The following FANCF variants were observed in gnomAD, a reference collection of about 807,000 sequenced individuals.
FANCF encodes Fanconi anemia group F protein.
For missense variants in FANCF, 552 were observed against 481.8 expected (o/e 1.15, Z -1.36); for synonymous variants, 257 against 205.9 (o/e 1.25, Z -2.13).
Position 22,625,017 on chromosome 11 carries a change from C to G in FANCF, c.794G>C (p.Ser265Thr), listed in dbSNP as rs1458890622. The change falls in exon 1 of 1, where the codon AGC becomes ACC. Residue 265 changes from serine to threonine, a missense_variant. By Grantham distance (58) the Ser-to-Thr change is moderately conservative. Coordinates refer to ENST00000327470, the MANE Select transcript of FANCF (RefSeq NM_022725.4). ...GACAGGAGACAGCGCTGGGTGGCGG[C>G]TAGTCACTAAAGTCAAAAGCCCGGC... ...LPAGLLTLVT[S>T]RHPALSPVYL... 6.2e-7 allele frequency: 1 copy of G among 1,614,066 alleles called. No individual in the cohort carries two copies. The highest frequency in any genetic ancestry group is 1.7e-5 in the Admixed American group (1 of 59,998).
Position 22,625,094 on chromosome 11 carries a change from G to A in FANCF, c.717C>T (p.His239=). 6.2e-7 allele frequency: 1 copy of A among 1,613,612 alleles called. No individual in the cohort carries two copies. The highest frequency in any genetic ancestry group is 8.5e-7 in the Non-Finnish European group (1 of 1,179,638). Residue 239 remains histidine, a synonymous_variant, in exon 1 of 1, where the codon CAC becomes CAT. Transcript: ENST00000327470. ...SPGEGSQVLV[H]WLLGNSEVFA... ...AGACTTCCGAATTCCCCAGAAGCCAGTGGACTAGCACTTGGCTCCCCTCTC... is the reference window on the plus strand; with the variant it reads ...AGACTTCCGAATTCCCCAGAAGCCAATGGACTAGCACTTGGCTCCCCTCTC...
chr11:22,625,336 C>T lies in FANCF; in HGVS notation c.475G>A (p.Glu159Lys), dbSNP rs1237433093. 1.9e-6 allele frequency: 3 copies of T among 1,614,222 alleles called. No individual in the cohort carries two copies. Among genetic ancestry groups the T allele is most frequent in the Non-Finnish European group, 2.5e-6 (3 of 1,180,042 alleles). Residue 159 changes from glutamate to lysine, a missense_variant, in exon 1 of 1, where the codon GAG (glutamate) becomes AAG (lysine). Transcript: ENST00000327470. ...NGYRENPNLQ[E>K]DSLMKTQAEL... ...GCCTGGGTCTTCATCAGAGAGTCCT[C>T]CTGGAGATTTGGGTTCTCTCTATAG...
Position 22,623,660 on chromosome 11 carries a change from T to C in FANCF, c.*1026A>G, listed in dbSNP as rs1858591757. 1 of 187,248 alleles carries C rather than the reference T, an allele frequency of 5.3e-6. No individual in the cohort carries two copies. 11.6% of individuals were successfully genotyped at this position (187,248 alleles called of 1,614,324 possible). On this transcript the variant is annotated 3_prime_UTR_variant, in exon 1 of 1. Transcript: ENST00000327470. ...CCAAGGTTGTGATTTATTAACCTAGTTAACGGCAGAAGCTGCACTAAAACC... is the reference window on the plus strand; with the variant it reads ...CCAAGGTTGTGATTTATTAACCTAGCTAACGGCAGAAGCTGCACTAAAACC...
At position 22,624,901 on chromosome 11, in the gene FANCF, A is replaced by G; in HGVS notation, c.910T>C (p.Trp304Arg). 6.2e-7 allele frequency: 1 copy of G among 1,614,178 alleles called. No individual in the cohort carries two copies. Among genetic ancestry groups the G allele is most frequent in the Non-Finnish European group, 8.5e-7 (1 of 1,180,032 alleles). The change falls in exon 1 of 1, where the codon TGG (tryptophan) becomes CGG (arginine). Residue 304 changes from tryptophan (W) to arginine (R), a missense_variant. Transcript: ENST00000327470. ...WVGTESQDVP[W>R]EELHNRFQSL... Reference sequence around the variant, plus strand: ...TGAAACCTATTGTGCAACTCCTCCCAGGGCACATCTTGGGACTCAGTTCCA... The same window carrying G: ...TGAAACCTATTGTGCAACTCCTCCCGGGGCACATCTTGGGACTCAGTTCCA...
chr11:22,623,598 T>G lies in FANCF; in HGVS notation c.*1088A>C, dbSNP rs1476006354. On this transcript the variant is annotated 3_prime_UTR_variant, in exon 1 of 1. Transcript: ENST00000327470. ...AAATAAGGAAATTTAACTATTTTATTCTAAACACTTCATTTACATATAAGG... is the reference window on the plus strand; with the variant it reads ...AAATAAGGAAATTTAACTATTTTATGCTAAACACTTCATTTACATATAAGG... The G allele has an allele frequency of 5.2e-6, 1 of 192,384 alleles. No homozygotes were observed. The highest frequency in any genetic ancestry group is 2.3e-5 in the African/African-American group (1 of 43,016). 11.9% of individuals were successfully genotyped at this position (192,384 alleles called of 1,614,324 possible).
rs772736775 is a variant in FANCF at position 22,625,645 on chromosome 11, T to C, written c.166A>G (p.Thr56Ala). 5.0e-6 allele frequency: 8 copies of C among 1,613,782 alleles called. No homozygotes were observed. The highest frequency in any genetic ancestry group is 6.8e-6 in the Non-Finnish European group (8 of 1,179,974). ...RRFGRHGPIR[T>A]ALERRLHNQW... ...TTGTGCAGCCGCCGCTCCAGAGCCG[T>C]GCGAATGGGGCCATGCCGACCAAAG... The change falls in exon 1 of 1, where the codon ACG becomes GCG. Residue 56 changes from threonine (T) to alanine (A), a missense_variant. Transcript: ENST00000327470.
rs749487579 is a variant in FANCF, at chr11:22,624,773, G to T, written c.1038C>A (p.Ile346=). The change falls in exon 1 of 1, where the codon ATC becomes ATA. Residue 346 remains isoleucine (I), a synonymous_variant. Coordinates refer to ENST00000327470, the MANE Select transcript of FANCF (RefSeq NM_022725.4). ...GAAGAGCTAATAAGAGGTCTGTCCAGATGCTAAGACCAGGTACTTCAAAAT... is the reference window on the plus strand; with the variant it reads ...GAAGAGCTAATAAGAGGTCTGTCCATATGCTAAGACCAGGTACTTCAAAAT... The part of the protein sequence containing the change: ...DGDFEVPGLS[I]WTDLLLALRS... 2 of 1,614,126 alleles carry T rather than the reference G, an allele frequency of 1.2e-6. No homozygotes were observed. The highest frequency in any genetic ancestry group is 1.7e-5 in the Admixed American group (1 of 60,020).
Position 22,623,717 on chromosome 11 carries a change from A to G in FANCF, c.*969T>C, listed in dbSNP as rs1193597240. 3 of 183,364 alleles carry G rather than the reference A, an allele frequency of 1.6e-5. No individual in the cohort carries two copies. The highest frequency in any genetic ancestry group is 3.5e-5 in the Non-Finnish European group (3 of 86,236). 11.4% of individuals were successfully genotyped at this position (183,364 alleles called of 1,614,324 possible). ...TTCTACTTAAAATGTTGTTTTGGCCAGGCGCGGTGGCTCACGCCTGTAATC... is the reference window on the plus strand; with the variant it reads ...TTCTACTTAAAATGTTGTTTTGGCCGGGCGCGGTGGCTCACGCCTGTAATC... On this transcript the variant is annotated 3_prime_UTR_variant, in exon 1 of 1. Transcript: ENST00000327470.
chr11:22,624,564 T>C lies in FANCF; in HGVS notation c.*122A>G. On this transcript the variant is annotated 3_prime_UTR_variant, in exon 1 of 1. Coordinates refer to ENST00000327470, the MANE Select transcript of FANCF (RefSeq NM_022725.4). ...ATATTTATAACTGTTTAATAAACTA[T>C]TCAAAATTAGCATCTAAAATAATTA... 1.1e-6 allele frequency: 1 copy of C among 890,068 alleles called. No homozygotes were observed. Among genetic ancestry groups the C allele is most frequent in the Admixed American group, 2.2e-5 (1 of 45,090 alleles). 55.1% of individuals were successfully genotyped at this position (890,068 alleles called of 1,614,324 possible).
chr11:22,625,819 C>T lies in FANCF; in HGVS notation c.-9G>A, dbSNP rs1858641258. On this transcript the variant is annotated 5_prime_UTR_variant, in exon 1 of 1. Transcript: ENST00000327470. ...TGCAGAAGGGATTCCATGAGGTGCG[C>T]GAAGGCCCTACTTCCGCTTTCACCT... 3.7e-6 allele frequency: 6 copies of T among 1,613,764 alleles called. No homozygotes were observed. Among genetic ancestry groups the T allele is most frequent in the Non-Finnish European group, 5.1e-6 (6 of 1,180,030 alleles).
Position 22,624,629 on chromosome 11 carries a change from T to G in FANCF, c.*57A>C. 6.8e-7 allele frequency: 1 copy of G among 1,479,858 alleles called. No individual in the cohort carries two copies. The highest frequency in any genetic ancestry group is 9.4e-7 in the Non-Finnish European group (1 of 1,058,854). 91.7% of individuals were successfully genotyped at this position (1,479,858 alleles called of 1,614,324 possible). ...GAAGGCATATATTTGGTGAGAACAT[T>G]GTAATTTTCATTTTGTAAACTATAT... is the stretch of plus-strand genomic sequence containing the variant. On this transcript the variant is annotated 3_prime_UTR_variant, in exon 1 of 1. Transcript: ENST00000327470.
Position 22,625,726 on chromosome 11 carries a change from CG to C in FANCF, c.84del (p.Ala29ProfsTer52), listed in dbSNP as rs1275961745. On this transcript the variant is annotated frameshift_variant, in exon 1 of 1. Transcript: ENST00000327470. LOFTEE classifies it low-confidence loss of function (END_TRUNC). ...SSTTYVSTWD[P>X]ATVRRALQWA... ...CACTGCAAGGCCCGGCGCACGGTGG[CG>C]GGGTCCCAGGTGCTGACGTAGGTAG... 5 of 1,614,012 alleles carry C rather than the reference CG, an allele frequency of 3.1e-6. No homozygotes were observed. The Admixed American group carries it at 5.0e-5, about 16-fold the overall frequency.
Position 22,624,990 on chromosome 11 carries a change from T to G in FANCF, c.821A>C (p.Tyr274Ser), listed in dbSNP as rs144524228. The change falls in exon 1 of 1, where the codon TAT becomes TCT. Residue 274 changes from tyrosine (Y) to serine (S), a missense_variant. Physicochemically the swap from Tyr to Ser is moderately radical, Grantham distance 144 (BLOSUM62 -2). Coordinates refer to ENST00000327470, the MANE Select transcript of FANCF (RefSeq NM_022725.4). Reference protein sequence around the residue: ...TSRHPALSPVYLGLLTDWGQR... With the variant: ...TSRHPALSPVSLGLLTDWGQR... ...ACCCCAGTCTGTTAGCAGACCCAGATAGACAGGAGACAGCGCTGGGTGGCG... is the reference window on the plus strand; with the variant it reads ...ACCCCAGTCTGTTAGCAGACCCAGAGAGACAGGAGACAGCGCTGGGTGGCG... The G allele has an allele frequency of 7.4e-6, 12 of 1,614,040 alleles. No homozygotes were observed. In the African/African-American group the frequency reaches 1.3e-4, roughly 18 times the overall value.
Position 22,624,966 on chromosome 11 carries a change from C to T in FANCF, c.845G>A (p.Gly282Asp), listed in dbSNP as rs2133796678. Residue 282 changes from glycine (G) to aspartate (D), a missense_variant, in exon 1 of 1, where the codon GGT (glycine) becomes GAT (aspartate). By Grantham distance (94) the Gly-to-Asp change is moderately conservative (BLOSUM62 -1). Coordinates refer to ENST00000327470, the MANE Select transcript of FANCF (RefSeq NM_022725.4). The part of the protein sequence containing the change: ...PVYLGLLTDW[G>D]QRLHYDLQKG... ...CTGAAGGTCATAGTGCAAACGTTGA[C>T]CCCAGTCTGTTAGCAGACCCAGATA... 1 of 1,614,200 alleles carries T rather than the reference C, an allele frequency of 6.2e-7. No homozygotes were observed. Among genetic ancestry groups the T allele is most frequent in the African/African-American group, 1.3e-5 (1 of 75,044 alleles).
chr11:22,625,228 G>A lies in FANCF; in HGVS notation c.583C>T (p.Arg195Cys), dbSNP rs1231820160. 6.2e-7 allele frequency: 1 copy of A among 1,614,020 alleles called. No individual in the cohort carries two copies. The highest frequency in any genetic ancestry group is 8.5e-7 in the Non-Finnish European group (1 of 1,180,016). ...TTCAGGAAGTTGTTCTGAGGCAAGCGCTCCCACAGGCTGCTGAGAAACCTG... is the reference window on the plus strand; with the variant it reads ...TTCAGGAAGTTGTTCTGAGGCAAGCACTCCCACAGGCTGCTGAGAAACCTG... ...PARFLSSLWERLPQNNFLKVI... is the reference protein window; with the variant it reads ...PARFLSSLWECLPQNNFLKVI... The change falls in exon 1 of 1, where the codon CGC (arginine) becomes TGC (cysteine). Residue 195 changes from arginine to cysteine, a missense_variant. Physicochemically the swap from Arg to Cys is radical, Grantham distance 180. Transcript: ENST00000327470.
rs1858599945 is a variant in FANCF, at chr11:22,624,016, ATC to A, written c.*668_*669del. 4 of 226,156 alleles carry A rather than the reference ATC, an allele frequency of 1.8e-5. No individual in the cohort carries two copies. Among genetic ancestry groups the A allele is most frequent in the Non-Finnish European group, 2.6e-5 (3 of 113,876 alleles). The allele number at this position is 226,156 out of a possible 1,614,324, so 14.0% of individuals were successfully genotyped here. A position where few individuals can be genotyped will look rare whatever the true frequency, so the allele number is the denominator to read the frequency against. ...AAAAAAAAAAAAGTTTGATTCTTTT[ATC>A]ATCAAGCATTAATTTAATATCCAAA... is the stretch of plus-strand genomic sequence containing the variant. On this transcript the variant is annotated 3_prime_UTR_variant, in exon 1 of 1. Coordinates refer to ENST00000327470, the MANE Select transcript of FANCF (RefSeq NM_022725.4).
At position 22,623,291 on chromosome 11, in the gene FANCF, A is replaced by G. The variant is rs2133794959; in HGVS notation, c.*1395T>C. Reference sequence around the variant, plus strand: ...TACAACTCTTTTTCTACAAGATTACACTACTCATATTGTTTTTATTCCATT... The same window carrying G: ...TACAACTCTTTTTCTACAAGATTACGCTACTCATATTGTTTTTATTCCATT... On this transcript the variant is annotated 3_prime_UTR_variant, in exon 1 of 1. Transcript: ENST00000327470. The G allele has an allele frequency of 4.8e-6, 1 of 206,620 alleles. No individual in the cohort carries two copies. Among genetic ancestry groups the G allele is most frequent in the East Asian group, 7.4e-5 (1 of 13,476 alleles). 12.8% of individuals were successfully genotyped at this position (206,620 alleles called of 1,614,324 possible). A position where few individuals can be genotyped will look rare whatever the true frequency, so the allele number is the denominator to read the frequency against.
In FANCF at chr11:22,625,169, C is replaced by A; in HGVS notation, c.642G>T (p.Leu214Phe). The change falls in exon 1 of 1, where the codon TTG becomes TTT. Residue 214 changes from leucine (L) to phenylalanine (F), a missense_variant. Physicochemically the swap from Leu to Phe is conservative, Grantham distance 22. Transcript: ENST00000327470. ...VIAVALLQPP[L>F]SRRPQEELEP... ...CCAACTCTTCTTGGGGCCGACGAGACAAAGGCGGCTGCAACAGCGCCACCG... is the reference window on the plus strand; with the variant it reads ...CCAACTCTTCTTGGGGCCGACGAGAAAAAGGCGGCTGCAACAGCGCCACCG... 1 of 1,609,314 alleles carries A rather than the reference C, an allele frequency of 6.2e-7. No homozygotes were observed. The highest frequency in any genetic ancestry group is 8.5e-7 in the Non-Finnish European group (1 of 1,177,288).
At position 22,625,395 on chromosome 11, in the gene FANCF, C is replaced by G; in HGVS notation, c.416G>C (p.Arg139Pro). The change falls in exon 1 of 1, where the codon CGG becomes CCG. Residue 139 changes from arginine (R) to proline (P), a missense_variant. Physicochemically the swap from Arg to Pro is moderately radical, Grantham distance 103. Coordinates refer to ENST00000327470, the MANE Select transcript of FANCF (RefSeq NM_022725.4). ...LQESLARLAR[R>P]RSAVHMLRFN... ...GCGCAGCATGTGCACCGCAGACCGCCGGCGGGCAAGGCGGGCCAGGCTCTC... is the reference window on the plus strand; with the variant it reads ...GCGCAGCATGTGCACCGCAGACCGCGGGCGGGCAAGGCGGGCCAGGCTCTC... The G allele has an allele frequency of 6.2e-7, 1 of 1,614,172 alleles. No homozygotes were observed. Among genetic ancestry groups the G allele is most frequent in the Non-Finnish European group, 8.5e-7 (1 of 1,180,012 alleles).
Sources: gnomAD v4.1 joint callset for allele counts on GRCh38, gnomAD v4.1.1 for gene constraint, MANE v1.5 for transcripts, NCBI Gene and HGNC (gene_info 2026-07-23, HGNC 2026-07-21) for gene names.